The following RBFOX1 variants were observed in gnomAD, a reference collection of about 807,000 sequenced individuals.
RBFOX1 encodes RNA binding fox-1 homolog 1.
RBFOX1 carries 8 observed loss-of-function variants against 57.7 expected under a neutral mutation model. That is an observed-to-expected ratio of 0.14 (90% CI 0.08 to 0.25). The LOEUF (loss-of-function observed/expected upper bound fraction) is 0.25. Among genes scored for constraint, RBFOX1 ranks in the 10% least tolerant of loss-of-function variants. The pLI is 1.00. For missense variants in RBFOX1, 611 were observed against 548.5 expected, an observed-to-expected ratio of 1.11 and a Z score of -1.14; for synonymous variants, 326 against 222.4, an observed-to-expected ratio of 1.47 and a Z score of -4.15.
chr16:5,331,040 A>G (rs1425361305), intron 1 of RBFOX1, among the ~76,000 whole-genome samples: 16 of 152,140 alleles, frequency 1.1e-4, no homozygotes, highest in Admixed American at 9.8e-4. Context: ...ACTTGGTATC[A>G]GGCACCAAAC....
intron 4 of RBFOX1, among the ~76,000 whole-genome samples, chr16:5,927,377 A>T (rs1388561570): frequency 1.3e-5 from 2 of 152,348 alleles, no homozygotes; most frequent in African/African-American, 4.8e-5. Context: ...CTAGGCACCA[A>T]TGGCTTTTAA....
intron 1 of RBFOX1, among the ~76,000 whole-genome samples, chr16:6,039,728 T>C (rs72772814): frequency 0.13 from 19,105 of 152,220 alleles, 1,426 homozygotes; most frequent in African/African-American, 0.21. Flanking sequence ...TTTTTCTGGG[T>C]TAACATATTA....
chr16:7,154,939 A>G (rs577077903), intron 4 of RBFOX1, among the ~76,000 whole-genome samples: 26 of 152,254 alleles, frequency 1.7e-4, no homozygotes, highest in African/African-American at 6.3e-4. Flanking sequence ...GAGAATAGGG[A>G]TGTTAACTTT....
intron 4 of RBFOX1, among the ~76,000 whole-genome samples, chr16:7,173,561 A>T (rs1423615820): frequency 6.6e-6 from 1 of 151,860 alleles, no homozygotes; most frequent in Non-Finnish European, 1.5e-5. Flanking sequence ...AGCATTTGTC[A>T]TCTCAATTAC....
At chr16:7,421,670 C>T (rs976449204) in intron 4 of RBFOX1, among the ~76,000 whole-genome samples, 5 of 152,246 alleles carry the variant, frequency 3.3e-5, no homozygotes, top group African/African-American at 9.6e-5. Context: ...CTTACTGTCC[C>T]ATTTCCACTG....
chr16:6,794,948 A>G (rs745898176), intron 3 of RBFOX1, among the ~76,000 whole-genome samples: 2 of 152,164 alleles, frequency 1.3e-5, no homozygotes, highest in African/African-American at 2.4e-5. Flanking sequence ...AATATTGAGT[A>G]ATTTTCCCTA....
chr16:6,729,074 C>T (rs1015157007), intron 3 of RBFOX1, among the ~76,000 whole-genome samples: 2 of 152,074 alleles, frequency 1.3e-5, no homozygotes, highest in African/African-American at 4.8e-5. Flanking sequence ...TTCCCAGTGG[C>T]CTCAGAAGTG....
intron 5 of RBFOX1, among the ~76,000 whole-genome samples, chr16:7,567,540 T>C (rs1364274952): frequency 1.3e-5 from 1 of 76,910 alleles, no homozygotes; most frequent in Non-Finnish European, 3.3e-5. Context: ...TGTATGGCCC[T>C]ATATGTATAT....
At chr16:6,900,086 A>G (rs1311446850) in intron 3 of RBFOX1, among the ~76,000 whole-genome samples, 2 of 152,144 alleles carry the variant, frequency 1.3e-5, no homozygotes, top group Non-Finnish European at 2.9e-5. Flanking sequence ...AATGCTTAGA[A>G]CAGTTCCTGG....
intron 4 of RBFOX1, among the ~76,000 whole-genome samples, chr16:6,011,688 C>G (rs2094962154): frequency 6.6e-6 from 1 of 152,280 alleles, no homozygotes; most frequent in Admixed American, 6.5e-5. Context: ...CAAGCAGCAG[C>G]AGTATGAAGC....
intron 1 of RBFOX1, among the ~76,000 whole-genome samples, chr16:6,276,842 T>C (rs1226196047): frequency 6.6e-6 from 1 of 151,694 alleles, no homozygotes; most frequent in Admixed American, 6.6e-5. Flanking sequence ...TTAACTATGC[T>C]CCTTCCAGGA....
chr16:5,813,871 T>G (rs918306222), intron 3 of RBFOX1, among the ~76,000 whole-genome samples: 1 of 152,238 alleles, frequency 6.6e-6, no homozygotes, highest in African/African-American at 2.4e-5. Flanking sequence ...ATTAAACATC[T>G]TCACTGCTGA....
At chr16:6,937,907 A>G (rs112224599) in intron 3 of RBFOX1, among the ~76,000 whole-genome samples, 100 of 136,748 alleles carry the variant, frequency 7.3e-4, no homozygotes, top group African/African-American at 2.5e-3. Context: ...AGGCATTCCT[A>G]TCATGGTCTG....
chr16:6,626,726 C>A (rs1240331967), intron 2 of RBFOX1, among the ~76,000 whole-genome samples: 2 of 151,792 alleles, frequency 1.3e-5, no homozygotes, highest in East Asian at 3.9e-4. Flanking sequence ...CACCACAGCA[C>A]CCCAGCCTGG....
intron 3 of RBFOX1, among the ~76,000 whole-genome samples, chr16:5,724,617 G>C (rs1048513944): frequency 2.6e-5 from 4 of 152,088 alleles, no homozygotes; most frequent in Non-Finnish European, 5.9e-5. Context: ...ATGCATTCTG[G>C]AGTAAGAATC....
intron 3 of RBFOX1, among the ~76,000 whole-genome samples, chr16:6,866,469 T>C (rs770084439): frequency 6.7e-6 from 1 of 149,262 alleles, no homozygotes; most frequent in Non-Finnish European, 1.5e-5. Context: ...AAAAAATATA[T>C]AATGCAAAAA....
At chr16:6,375,986 C>A (rs1046805672) in intron 2 of RBFOX1, among the ~76,000 whole-genome samples, 1 of 152,146 alleles carries the variant, frequency 6.6e-6, no homozygotes, top group Non-Finnish European at 1.5e-5. Flanking sequence ...TCCAGCTCCC[C>A]CTCTGTTTTG....
At chr16:7,015,136 C>G (rs377415045) in intron 3 of RBFOX1, among the ~76,000 whole-genome samples, 8 of 152,266 alleles carry the variant, frequency 5.3e-5, no homozygotes, top group Admixed American at 1.3e-4. Flanking sequence ...AGTTCATGTT[C>G]TCTTTTTCCT....
At chr16:5,240,471 A>C (rs1401845484) in intron 1 of RBFOX1, among the ~76,000 whole-genome samples, 1 of 151,776 alleles carries the variant, frequency 6.6e-6, no homozygotes, top group South Asian at 2.1e-4. Flanking sequence ...TGTCGGTCCC[A>C]CCTGGCGGGG....
Sources: gnomAD v4.1 joint callset for allele counts (sites outside exome capture counted in the v4.1 genomes callset) on GRCh38, gnomAD v4.1.1 for gene constraint, MANE v1.5 for transcripts, NCBI Gene and HGNC (gene_info 2026-07-23, HGNC 2026-07-21) for gene names.